ABCG5: variants seen among roughly 807,000 people sequenced by gnomAD.
ABCG5 encodes the protein ATP-binding cassette sub-family G member 5.
Under a neutral mutation model 64.5 loss-of-function variants are expected in ABCG5, and 64 were observed. The observed-to-expected ratio is 0.99, with a 90% CI of 0.81 to 1.22. The LOEUF is 1.22. Ranked by LOEUF, ABCG5 falls within the 50% of genes most tolerant of loss-of-function variation. The pLI is 0.00. For synonymous variants in ABCG5, 385 were observed against 326.3 expected, an observed-to-expected ratio of 1.18 and a Z score of -1.94; for missense variants, 908 against 829.5, an observed-to-expected ratio of 1.09 and a Z score of -1.16.
At position 43,820,027 on chromosome 2, in the gene ABCG5, C is replaced by A; in HGVS notation, c.1537G>T (p.Gly513Cys). 1 of 1,614,112 alleles carries A rather than the reference C, an allele frequency of 6.2e-7. No homozygotes were observed. Among genetic ancestry groups the A allele is most frequent in the East Asian group, 2.2e-5 (1 of 44,888 alleles). ...AGTAGCACAAGAGTTAGAAATTCAC[C>A]AATTAAGTGGGGGGCCAAGAGAGCA... Reference protein sequence around the residue: ...SAALLAPHLIGEFLTLVLLGI... With the variant: ...SAALLAPHLICEFLTLVLLGI... Residue 513 changes from glycine (G) to cysteine (C), a missense_variant, in exon 11 of 13, where the codon GGT (glycine) becomes TGT (cysteine). Coordinates refer to ENST00000405322, the MANE Select transcript of ABCG5 (RefSeq NM_022436.3).
In ABCG5 at chr2:43,820,028, A is replaced by G. The variant is rs1308863594; in HGVS notation, c.1536T>C (p.Ile512=). 1.2e-6 allele frequency: 2 copies of G among 1,614,082 alleles called. No homozygotes were observed. Among genetic ancestry groups the G allele is most frequent in the Non-Finnish European group, 1.7e-6 (2 of 1,180,050 alleles). The change falls in exon 11 of 13, where the codon ATT becomes ATC. Residue 512 remains isoleucine (I), a synonymous_variant. Coordinates refer to ENST00000405322, the MANE Select transcript of ABCG5 (RefSeq NM_022436.3). ...FSAALLAPHL[I]GEFLTLVLLG... ...GTAGCACAAGAGTTAGAAATTCACC[A>G]ATTAAGTGGGGGGCCAAGAGAGCAG...
At chr2:43,828,219 C>G in intron 4 of ABCG5, 104 bp from the exon 5 acceptor site, 1 of 1,517,858 alleles carries the variant, frequency 6.6e-7, no homozygotes, top group Non-Finnish European at 9.0e-7. Flanking sequence ...GCCCAAGAAT[C>G]CAAGGGCCAC....
downstream of ABCG5, chr2:43,809,919 G>C (rs1460960465): frequency 7.2e-7 from 1 of 1,379,648 alleles, no homozygotes; most frequent in Non-Finnish European, 9.4e-7. Flanking sequence ...GCATCTCCCT[G>C]TATATCTTGA....
upstream of ABCG5, chr2:43,839,103 C>T: frequency 1.3e-6 from 2 of 1,551,268 alleles, no homozygotes; most frequent in East Asian, 2.4e-5. Context: ...GGGGCCACTC[C>T]CCAGGATACC....
chr2:43,836,933 G>A (rs1186570990), intron 2 of ABCG5, among the ~76,000 whole-genome samples: 7 of 151,922 alleles, frequency 4.6e-5, no homozygotes, highest in Non-Finnish European at 5.9e-5. Context: ...CCCAGCTGAG[G>A]TGGGAGGATC....
rs1348348567 is a variant in ABCG5 at position 43,824,375 on chromosome 2, C to G, written c.962G>C (p.Arg321Thr). ...SKEREIETSKRVQMIESAYKK... is the reference protein window; with the variant it reads ...SKEREIETSKTVQMIESAYKK... ...GTAGGCAGATTCTATCATCTGGACT[C>G]TCTTGGAGGTTTCTATTTCCCGTTC... Residue 321 changes from arginine to threonine, a missense_variant, in exon 8 of 13, where the codon AGA becomes ACA. Coordinates refer to ENST00000405322, the MANE Select transcript of ABCG5 (RefSeq NM_022436.3). 1 of 1,614,064 alleles carries G rather than the reference C, an allele frequency of 6.2e-7. No individual in the cohort carries two copies. Among genetic ancestry groups the G allele is most frequent in the Non-Finnish European group, 8.5e-7 (1 of 1,180,042 alleles).
chr2:43,828,696 C>T (rs1490873741), intron 4 of ABCG5, among the ~76,000 whole-genome samples: 3 of 150,566 alleles, frequency 2.0e-5, no homozygotes, highest in Non-Finnish European at 4.4e-5. Context: ...CCTGGCATGG[C>T]GGCTTATGCC....
downstream of ABCG5, among the ~76,000 whole-genome samples, chr2:43,809,352 A>G (rs4952682): frequency 0.23 from 34,724 of 152,094 alleles, 4,336 homozygotes; most frequent in African/African-American, 0.31. Flanking sequence ...AGAGCTGAAC[A>G]GCAAACAATT....
chr2:43,822,661 T>C (rs1362268742), intron 10 of ABCG5, 136 bp downstream of exon 10: 33 of 1,551,464 alleles, frequency 2.1e-5, no homozygotes, highest in Non-Finnish European at 2.8e-5. Flanking sequence ...AGATACGACA[T>C]TGCACTAGAC....
At chr2:43,832,220 C>T in intron 2 of ABCG5, 137 bp from the exon 3 acceptor site, 1 of 1,244,792 alleles carries the variant, frequency 8.0e-7, no homozygotes, top group Non-Finnish European at 1.1e-6. Context: ...GTGTTAAGGA[C>T]ACAGCAGGAT....
intron 10 of ABCG5, among the ~76,000 whole-genome samples, chr2:43,820,887 C>G: frequency 6.6e-6 from 1 of 152,146 alleles, no homozygotes; most frequent in Admixed American, 6.5e-5. Flanking sequence ...CTCCTGGCCT[C>G]AAGTGATCTG....
At chr2:43,837,250 G>T (rs1668335354) in intron 2 of ABCG5, among the ~76,000 whole-genome samples, 1 of 151,584 alleles carries the variant, frequency 6.6e-6, no homozygotes, top group African/African-American at 2.4e-5. Flanking sequence ...CTCCCAAGTA[G>T]CTGGGACCGC....
At chr2:43,812,351 T>C (rs1421808136), downstream of ABCG5, 1 of 151,868 alleles carries the variant, frequency 6.6e-6, no homozygotes, top group African/African-American at 2.4e-5. Context: ...TTTTTTTTTT[T>C]TTATACTTTA....
intron 2 of ABCG5, chr2:43,832,321 T>A: frequency 6.7e-6 from 4 of 600,786 alleles, no homozygotes; most frequent in Non-Finnish European, 1.2e-5. Flanking sequence ...AGAGGGGACA[T>A]GCCATTTCTC....
At chr2:43,824,778 C>CA (rs1279977391) in intron 7 of ABCG5, 111 bp downstream of exon 7, 2 of 1,539,692 alleles carry the variant, frequency 1.3e-6, no homozygotes, top group Non-Finnish European at 1.8e-6. Flanking sequence ...GTATAAAACA[C>CA]AAAAACAAAA....
At chr2:43,832,216 A>C (rs1194923047) in intron 2 of ABCG5, 133 bp from the exon 3 acceptor site, 1 of 1,242,768 alleles carries the variant, frequency 8.0e-7, no homozygotes, top group Non-Finnish European at 1.1e-6. Context: ...CTAGGTGTTA[A>C]GGACACAGCA....
rs1453060785 is a variant in ABCG5, at chr2:43,838,119, G to A, written c.144-164C>T. 3.3e-6 allele frequency: 3 copies of A among 896,488 alleles called. No individual in the cohort carries two copies. Among genetic ancestry groups the A allele is most frequent in the Non-Finnish European group, 3.4e-6 (2 of 585,894 alleles). 55.5% of individuals were successfully genotyped at this position (896,488 alleles called of 1,614,324 possible). A position where few individuals can be genotyped will look rare whatever the true frequency, so the allele number is the denominator to read the frequency against. On this transcript the variant is annotated intron_variant, in intron 1 of 12. Coordinates refer to ENST00000405322, the MANE Select transcript of ABCG5 (RefSeq NM_022436.3). This position sits in a 1 kb window ranked among gnomAD's most constrained non-coding sequence, Gnocchi z 4.2. ...CCTCCTCTGTAGAACCTGGCAGATAGCGACTGAGGCTGTCTGCCACGTAGG... is the reference window on the plus strand; with the variant it reads ...CCTCCTCTGTAGAACCTGGCAGATAACGACTGAGGCTGTCTGCCACGTAGG...
downstream of ABCG5, chr2:43,810,640 G>A (rs1300947207): frequency 2.1e-6 from 1 of 474,792 alleles, no homozygotes; most frequent in Admixed American, 6.4e-5. Context: ...AGGGAGTACT[G>A]TCTGAGCAGA....
At chr2:43,838,888 A>G, upstream of ABCG5, 1 of 1,174,340 alleles carries the variant, frequency 8.5e-7, no homozygotes, top group Non-Finnish European at 1.2e-6. This position sits in a 1 kb window ranked among gnomAD's most constrained non-coding sequence, Gnocchi z 4.2. Context: ...GGCAGAACAC[A>G]CACGTTTGTA....
Sources: gnomAD v4.1 joint callset for allele counts (sites outside exome capture counted in the v4.1 genomes callset) on GRCh38, gnomAD v4.1.1 for gene constraint, Gnocchi (gnomAD v3.1) non-coding constraint, MANE v1.5 for transcripts, NCBI Gene and HGNC (gene_info 2026-07-23, HGNC 2026-07-21) for gene names.